Variants in MARCHF11 observed in about 807,000 individuals in gnomAD.
MARCHF11 encodes E3 ubiquitin-protein ligase MARCHF11.
A neutral mutation model predicts 37.3 loss-of-function variants in MARCHF11; 29 were observed. That is an observed-to-expected ratio of 0.78 (90% CI 0.58 to 1.06). The LOEUF (loss-of-function observed/expected upper bound fraction) is 1.06. Among genes scored for constraint, MARCHF11 ranks in the 50% least tolerant of loss-of-function variants. The pLI is 0.00. For missense variants in MARCHF11, 482 were observed against 533.4 expected (o/e 0.90, Z 0.95); for synonymous variants, 233 against 228.0 (o/e 1.02, Z -0.20).
intron 2 of MARCHF11, among the ~76,000 whole-genome samples, chr5:16,161,041 T>G (rs76325529): frequency 1.3e-5 from 2 of 151,928 alleles, no homozygotes; most frequent in Non-Finnish European, 2.9e-5. Flanking sequence ...GTTTTAAACT[T>G]TTTTTAAATT....
In MARCHF11 at chr5:16,157,592, C is replaced by T. The variant is rs190479328; in HGVS notation, c.693+20134G>A. Among the ~76,000 whole-genome samples the T allele has an allele frequency of 6.6e-4, 101 of 151,958 alleles. 1 individual carries two copies. The highest frequency in any genetic ancestry group is 2.5e-3 in the Admixed American group (38 of 15,226). On this transcript the variant is annotated intron_variant, in intron 2 of 3. Coordinates refer to ENST00000332432, the MANE Select transcript of MARCHF11 (RefSeq NM_001102562.3). ...TCAAGAACACACAATAGGGAAAGGA[C>T]GGTCTCTTCAATAAATGGTTTTGGG... is the stretch of plus-strand genomic sequence containing the variant.
intron 2 of MARCHF11, among the ~76,000 whole-genome samples, chr5:16,122,638 C>T (rs984722379): frequency 2.6e-5 from 4 of 152,134 alleles, no homozygotes; most frequent in African/African-American, 9.7e-5. Flanking sequence ...TGTGGTTTTC[C>T]CTTCCTCGTC....
intron 2 of MARCHF11, among the ~76,000 whole-genome samples, chr5:16,158,869 C>T (rs755475187): frequency 6.6e-6 from 1 of 151,824 alleles, no homozygotes; most frequent in South Asian, 2.1e-4. Flanking sequence ...CCGCACCCCT[C>T]GACAGGCCCC....
intron 2 of MARCHF11, among the ~76,000 whole-genome samples, chr5:16,093,479 T>C (rs990776145): frequency 3.9e-5 from 6 of 152,136 alleles, no homozygotes; most frequent in African/African-American, 1.4e-4. Context: ...GAAGTGATGG[T>C]TGGATGCACT....
Position 16,136,180 on chromosome 5 carries a change from C to T in MARCHF11, c.693+41546G>A, listed in dbSNP as rs527414889. Among the ~76,000 whole-genome samples, 81 of 151,792 alleles carry T rather than the reference C, an allele frequency of 5.3e-4. 1 individual carries two copies. In the Middle Eastern group the frequency reaches 0.014, roughly 25 times the overall value. On this transcript the variant is annotated intron_variant, in intron 2 of 3. Transcript: ENST00000332432. ...GATTCTATATATGCATAAATGGTGTCCCAGAAAAAGAAAACAGAACAAATA... is the reference window on the plus strand; with the variant it reads ...GATTCTATATATGCATAAATGGTGTTCCAGAAAAAGAAAACAGAACAAATA...
chr5:16,179,608 G>A lies in MARCHF11; in HGVS notation c.-33C>T. Reference sequence around the variant, plus strand: ...CCGCCGCCGCCCTCCTGCCGGCCCGGCTGGCGGGCCGGGCTCTGGCTGCAG... The same window carrying A: ...CCGCCGCCGCCCTCCTGCCGGCCCGACTGGCGGGCCGGGCTCTGGCTGCAG... On this transcript the variant is annotated 5_prime_UTR_variant, in exon 1 of 4. Coordinates refer to ENST00000332432, the MANE Select transcript of MARCHF11 (RefSeq NM_001102562.3). 1.3e-5 allele frequency: 15 copies of A among 1,161,354 alleles called. No individual in the cohort carries two copies. Among genetic ancestry groups the A allele is most frequent in the Non-Finnish European group, 1.6e-5 (15 of 942,596 alleles). The allele number at this position is 1,161,354 out of a possible 1,614,324, so 71.9% of individuals were successfully genotyped here.
intron 2 of MARCHF11, among the ~76,000 whole-genome samples, chr5:16,152,445 G>A (rs945805925): frequency 2.0e-5 from 3 of 151,960 alleles, no homozygotes; most frequent in Admixed American, 6.6e-5. Flanking sequence ...TCATCTTAAA[G>A]AAACTAAGCC....
intron 2 of MARCHF11, among the ~76,000 whole-genome samples, chr5:16,151,449 C>T (rs1737885698): frequency 6.6e-6 from 1 of 151,746 alleles, no homozygotes; most frequent in Admixed American, 6.6e-5. Flanking sequence ...ATTCCTAGAC[C>T]ATCTCCAAAA....
chr5:16,078,372 C>G (rs1579674799), intron 3 of MARCHF11, among the ~76,000 whole-genome samples: 1 of 152,138 alleles, frequency 6.6e-6, no homozygotes, highest in East Asian at 1.9e-4. Context: ...ACAGTAAATA[C>G]AATCTTAGAT....
intron 2 of MARCHF11, among the ~76,000 whole-genome samples, chr5:16,154,595 C>T (rs1308075014): frequency 6.6e-6 from 1 of 151,490 alleles, no homozygotes; most frequent in Non-Finnish European, 1.5e-5. Context: ...TGCCACCTCC[C>T]AAAAAGGGAG....
At chr5:16,153,445 T>A (rs746595317) in intron 2 of MARCHF11, among the ~76,000 whole-genome samples, 42 of 151,934 alleles carry the variant, frequency 2.8e-4, no homozygotes, top group Non-Finnish European at 5.7e-4. Flanking sequence ...CTAGGAAGCA[T>A]GACTGTCACT....
At chr5:16,172,853 C>G (rs552299125) in intron 2 of MARCHF11, among the ~76,000 whole-genome samples, 17 of 152,266 alleles carry the variant, frequency 1.1e-4, no homozygotes, top group African/African-American at 3.1e-4. Context: ...GAAGCTGTAC[C>G]TAAGAAGGAC....
chr5:16,130,867 A>T (rs1737504450), intron 2 of MARCHF11, among the ~76,000 whole-genome samples: 1 of 152,288 alleles, frequency 6.6e-6, no homozygotes, highest in African/African-American at 2.4e-5. Flanking sequence ...AAATTAGTTC[A>T]CCTTCTAACT....
chr5:16,094,535 G>A (rs1004703846), intron 2 of MARCHF11, among the ~76,000 whole-genome samples: 16 of 151,886 alleles, frequency 1.1e-4, no homozygotes, highest in East Asian at 1.9e-4. Context: ...GTGTGTGTGC[G>A]CATGTGTGTG....
chr5:16,143,021 T>A (rs1737743005), intron 2 of MARCHF11, among the ~76,000 whole-genome samples: 1 of 150,860 alleles, frequency 6.6e-6, no homozygotes, highest in Non-Finnish European at 1.5e-5. Flanking sequence ...ATTACAGGCA[T>A]GAGCCACCAT....
chr5:16,092,671 A>C (rs1326227297), intron 2 of MARCHF11, among the ~76,000 whole-genome samples: 1 of 152,170 alleles, frequency 6.6e-6, no homozygotes, highest in Non-Finnish European at 1.5e-5. Context: ...TGATGGGTGC[A>C]GCAAACCACC....
intron 2 of MARCHF11, among the ~76,000 whole-genome samples, chr5:16,146,777 C>T (rs1339530578): frequency 1.3e-5 from 2 of 152,158 alleles, no homozygotes; most frequent in African/African-American, 2.4e-5. Flanking sequence ...AACAATAACA[C>T]ACTTTGAAGG....
chr5:16,112,146 C>T (rs1737151848), intron 2 of MARCHF11, among the ~76,000 whole-genome samples: 1 of 152,190 alleles, frequency 6.6e-6, no homozygotes, highest in South Asian at 2.1e-4. Context: ...TGAGCCCCCA[C>T]ATGGAGTCCC....
intron 3 of MARCHF11, among the ~76,000 whole-genome samples, chr5:16,069,026 T>C (rs1254001288): frequency 2.0e-5 from 3 of 152,126 alleles, no homozygotes; most frequent in African/African-American, 7.2e-5. Flanking sequence ...AGGAAGTAAG[T>C]TAAAAAATGT....
Sources: allele counts gnomAD v4.1 joint callset (sites outside exome capture counted in the v4.1 genomes callset), GRCh38; gene constraint gnomAD v4.1.1; transcripts MANE v1.5; gene names NCBI Gene and HGNC (gene_info 2026-07-23, HGNC 2026-07-21).